The following XPR1 variants were observed in gnomAD, a reference collection of about 807,000 sequenced individuals.
XPR1 encodes the protein xenotropic and polytropic retrovirus receptor 1, also known as solute carrier family 53 member 1.
Under a neutral mutation model 87.5 loss-of-function variants are expected in XPR1, and 28 were observed. That is an observed-to-expected ratio of 0.32 (90% confidence interval 0.24 to 0.44). The LOEUF (loss-of-function observed/expected upper bound fraction) is 0.44, where lower values mean the gene tolerates loss of function less well. Among genes scored for constraint, XPR1 ranks in the 20% least tolerant of loss-of-function variants. The probability of loss-of-function intolerance (pLI) is 1.00; values close to 1 mark genes in which losing one functional copy is unlikely to be tolerated. For missense variants in XPR1, 559 were observed against 862.3 expected, an observed-to-expected ratio of 0.65 and a Z score of 4.41; for synonymous variants, 300 against 306.1, an observed-to-expected ratio of 0.98 and a Z score of 0.21.
chr1:180,841,827 TATTC>T (rs1477612919), intron 11 of XPR1, among the ~76,000 whole-genome samples: 2 of 152,204 alleles, frequency 1.3e-5, no homozygotes, highest in South Asian at 2.1e-4. Context: ...ACATGTTAAA[TATTC>T]ATATCACTAA....
rs746886326 is a variant in XPR1, at chr1:180,873,834, T to G, written c.1700T>G (p.Val567Gly). The change falls in exon 13 of 15, where the codon GTG becomes GGG. Residue 567 changes from valine (V) to glycine (G), a missense_variant. By Grantham distance (109) the Val-to-Gly change is moderately radical (BLOSUM62 -3). Around this residue, in one of 7 missense-constraint regions of XPR1, gnomAD observed 264 missense variants for 377.2 expected, o/e 0.70. Coordinates refer to ENST00000367590, the MANE Select transcript of XPR1 (RefSeq NM_004736.4). The stretch of plus-strand genomic sequence containing the variant: ...TACTACTGTGCCATAATAGAGGATG[T>G]GATTCTGCGCTTTGCTTGGACTATC... ...AYYYCAIIED[V>G]ILRFAWTIQI... The G allele has an allele frequency of 1.2e-6, 2 of 1,614,156 alleles. No homozygotes were observed. Among genetic ancestry groups the G allele is most frequent in the Non-Finnish European group, 1.7e-6 (2 of 1,180,016 alleles).
chr1:180,745,112 A>G (rs980757807), intron 2 of XPR1, among the ~76,000 whole-genome samples: 2 of 152,190 alleles, frequency 1.3e-5, no homozygotes, highest in Non-Finnish European at 2.9e-5. Context: ...GGACAGCAGT[A>G]TATTCATAGT....
intron 2 of XPR1, among the ~76,000 whole-genome samples, chr1:180,747,808 T>C (rs1647323010): frequency 6.6e-6 from 1 of 152,228 alleles, no homozygotes; most frequent in South Asian, 2.1e-4. Context: ...TTGCCATGGC[T>C]TTCCAATTCC....
At chr1:180,650,760 T>C (rs1319793869) in intron 1 of XPR1, among the ~76,000 whole-genome samples, 1 of 152,186 alleles carries the variant, frequency 6.6e-6, no homozygotes, top group African/African-American at 2.4e-5. Flanking sequence ...TGAGCCTTTT[T>C]TTCATTTATT....
chr1:180,888,468 C>T lies in XPR1; in HGVS notation c.*4402C>T, dbSNP rs1472528674. ...AAGAAAGTTGAATTTGTAGCTCTCT[C>T]AACTACAAAATCACCACACTTTTCT... is the stretch of plus-strand genomic sequence containing the variant. On this transcript the variant is annotated 3_prime_UTR_variant, in exon 15 of 15. Coordinates refer to ENST00000367590, the MANE Select transcript of XPR1 (RefSeq NM_004736.4). 9.1e-6 allele frequency: 1 copy of T among 110,412 alleles called. No homozygotes were observed. The allele number at this position is 110,412 out of a possible 1,614,324, so 6.8% of individuals were successfully genotyped here.
At chr1:180,783,218 C>T (rs546913231) in intron 2 of XPR1, among the ~76,000 whole-genome samples, 1 of 152,110 alleles carries the variant, frequency 6.6e-6, no homozygotes, top group East Asian at 1.9e-4. Flanking sequence ...TGTGCCACTG[C>T]ACTTCAGCCT....
chr1:180,741,397 C>T (rs993922087), intron 2 of XPR1, among the ~76,000 whole-genome samples: 1 of 152,100 alleles, frequency 6.6e-6, no homozygotes, highest in Non-Finnish European at 1.5e-5. Flanking sequence ...AACTCCTGAT[C>T]TCGGGTGATC....
chr1:180,667,265 T>C (rs1655995924), intron 1 of XPR1, among the ~76,000 whole-genome samples: 1 of 152,212 alleles, frequency 6.6e-6, no homozygotes, highest in Non-Finnish European at 1.5e-5. Context: ...GGCTTTATTA[T>C]CTTGAGGTAG....
chr1:180,811,937 T>C (rs1185415295), intron 7 of XPR1, among the ~76,000 whole-genome samples: 1 of 152,164 alleles, frequency 6.6e-6, no homozygotes, highest in African/African-American at 2.4e-5. Flanking sequence ...AGCTTGGTTG[T>C]ATAATTTCCT....
At chr1:180,841,384 T>TTC (rs1553253118) in intron 11 of XPR1, among the ~76,000 whole-genome samples, 1 of 152,008 alleles carries the variant, frequency 6.6e-6, no homozygotes, top group African/African-American at 2.4e-5. Context: ...TTTTTTTTTT[T>TTC]CCAGACAAAG....
intron 2 of XPR1, among the ~76,000 whole-genome samples, chr1:180,690,399 A>G (rs887671537): frequency 6.6e-6 from 1 of 152,150 alleles, no homozygotes; most frequent in Non-Finnish European, 1.5e-5. Flanking sequence ...AGTATCTCCA[A>G]CAATAGTTTT....
At chr1:180,838,112 T>C (rs1399032774) in intron 11 of XPR1, among the ~76,000 whole-genome samples, 1 of 152,210 alleles carries the variant, frequency 6.6e-6, no homozygotes, top group Non-Finnish European at 1.5e-5. Flanking sequence ...GCCGTACTGA[T>C]AAAGTAAATG....
intron 1 of XPR1, among the ~76,000 whole-genome samples, chr1:180,633,207 T>TA (rs890386643): frequency 2.6e-5 from 4 of 152,204 alleles, no homozygotes; most frequent in African/African-American, 9.6e-5. Context: ...AAAATAAAGA[T>TA]AATGAACCCA....
chr1:180,881,091 T>C (rs1316610611), intron 14 of XPR1, among the ~76,000 whole-genome samples: 3 of 152,130 alleles, frequency 2.0e-5, no homozygotes, highest in Non-Finnish European at 4.4e-5. Context: ...AAGAATAATT[T>C]TGCTGAATAG....
chr1:180,860,183 G>A (rs1299028005), intron 11 of XPR1, among the ~76,000 whole-genome samples: 1 of 152,024 alleles, frequency 6.6e-6, no homozygotes, highest in Admixed American at 6.6e-5. Context: ...GTCTATTAGA[G>A]TAGCTAAATT....
intron 3 of XPR1, among the ~76,000 whole-genome samples, chr1:180,799,995 T>C (rs1649722542): frequency 6.6e-6 from 1 of 152,230 alleles, no homozygotes; most frequent in Non-Finnish European, 1.5e-5. Context: ...GTGATTGTTG[T>C]ACTAATTTCT....
At chr1:180,829,202 A>G (rs985284713) in intron 9 of XPR1, among the ~76,000 whole-genome samples, 6 of 152,146 alleles carry the variant, frequency 3.9e-5, no homozygotes, top group African/African-American at 9.7e-5. Flanking sequence ...CTTCTTAGCT[A>G]TTTATCAGTA....
At chr1:180,780,736 C>A (rs1233626736) in intron 2 of XPR1, among the ~76,000 whole-genome samples, 1 of 147,720 alleles carries the variant, frequency 6.8e-6, no homozygotes, top group African/African-American at 2.6e-5. Flanking sequence ...CCACTGCACT[C>A]CAACCTGGGC....
At chr1:180,753,273 A>G (rs775344123) in intron 2 of XPR1, among the ~76,000 whole-genome samples, 3 of 152,180 alleles carry the variant, frequency 2.0e-5, no homozygotes, top group Non-Finnish European at 4.4e-5. Flanking sequence ...ATCTTTAAAG[A>G]GGCACTGTGG....
Sources: allele counts gnomAD v4.1 joint callset (sites outside exome capture counted in the v4.1 genomes callset), GRCh38; gene constraint gnomAD v4.1.1; regional missense constraint gnomAD v4.1.1; transcripts MANE v1.5; gene names NCBI Gene and HGNC (gene_info 2026-07-23, HGNC 2026-07-21).